The following RCAN1 variants were observed in gnomAD, a reference collection of about 807,000 sequenced individuals.
RCAN1 encodes calcipressin-1.
A neutral mutation model predicts 22.9 loss-of-function variants in RCAN1; 11 were observed. The observed-to-expected ratio is 0.48, with a 90% CI of 0.30 to 0.79. The LOEUF is 0.79. RCAN1 is among the 30% of genes least tolerant of loss of function. The probability of loss-of-function intolerance (pLI) is 0.06; values close to 1 mark genes in which losing one functional copy is unlikely to be tolerated. For synonymous variants in RCAN1, 136 were observed against 142.3 expected (o/e 0.96, Z 0.32); for missense variants, 291 against 337.8 (o/e 0.86, Z 1.09).
At chr21:34,593,157 A>G (rs1237814843) in intron 1 of RCAN1, among the ~76,000 whole-genome samples, 2 of 152,218 alleles carry the variant, frequency 1.3e-5, no homozygotes, top group Non-Finnish European at 1.5e-5. Flanking sequence ...ATCTTGCTTT[A>G]GTTATGGAGA....
chr21:34,549,941 C>A (rs1372702627), intron 1 of RCAN1, among the ~76,000 whole-genome samples: 1 of 152,046 alleles, frequency 6.6e-6, no homozygotes, highest in African/African-American at 2.4e-5. Context: ...CTGAGGCCCA[C>A]CTTGCTCCTT....
At chr21:34,550,623 A>T (rs117842224) in intron 1 of RCAN1, among the ~76,000 whole-genome samples, 1,656 of 152,292 alleles carry the variant, frequency 0.011, 62 homozygotes, top group East Asian at 0.11. Flanking sequence ...AGCCTCCAGG[A>T]TTGTGAAACA....
intron 1 of RCAN1, among the ~76,000 whole-genome samples, chr21:34,552,357 A>G (rs1186445422): frequency 6.6e-6 from 1 of 152,222 alleles, no homozygotes; most frequent in Non-Finnish European, 1.5e-5. Context: ...TCTGGGAGGC[A>G]TTGGTCTAAG....
chr21:34,612,515 A>G (rs192495044), intron 1 of RCAN1, among the ~76,000 whole-genome samples: 1 of 152,268 alleles, frequency 6.6e-6, no homozygotes, highest in Admixed American at 6.5e-5. Flanking sequence ...TCCTCTGTGT[A>G]AGTCCCCTTT....
At chr21:34,556,432 T>A (rs1325197494) in intron 1 of RCAN1, among the ~76,000 whole-genome samples, 2 of 60,654 alleles carry the variant, frequency 3.3e-5, no homozygotes, top group Non-Finnish European at 7.0e-5. Flanking sequence ...TCTCAAAAAA[T>A]AATAATAATA....
At chr21:34,531,207 T>C (rs2123603094) in intron 1 of RCAN1, among the ~76,000 whole-genome samples, 1 of 152,386 alleles carries the variant, frequency 6.6e-6, no homozygotes, top group South Asian at 2.1e-4. Context: ...GTTGCCTTTC[T>C]ATTTCCGATT....
intron 1 of RCAN1, among the ~76,000 whole-genome samples, chr21:34,589,091 A>G (rs1987890761): frequency 6.6e-6 from 1 of 152,216 alleles, no homozygotes; most frequent in Non-Finnish European, 1.5e-5. Context: ...TGTGCTACAC[A>G]ACAATGTGAA....
At chr21:34,582,145 C>T (rs145225038) in intron 1 of RCAN1, among the ~76,000 whole-genome samples, 7 of 152,296 alleles carry the variant, frequency 4.6e-5, no homozygotes, top group Non-Finnish European at 1.0e-4. Flanking sequence ...CACGGACTCA[C>T]TTGAGCCACA....
intron 1 of RCAN1, among the ~76,000 whole-genome samples, chr21:34,575,427 C>A (rs369564804): frequency 2.0e-5 from 3 of 152,176 alleles, no homozygotes; most frequent in African/African-American, 7.2e-5. Flanking sequence ...ATTCTCAAGG[C>A]GAGCCCACTG....
At chr21:34,605,531 G>A (rs182187549) in intron 1 of RCAN1, among the ~76,000 whole-genome samples, 24 of 152,232 alleles carry the variant, frequency 1.6e-4, no homozygotes, top group Non-Finnish European at 2.6e-4. Flanking sequence ...TCTGTTTCCC[G>A]TAGGTAAAAA....
intron 1 of RCAN1, among the ~76,000 whole-genome samples, chr21:34,555,584 A>AAAT (rs1451984981): frequency 1.0e-4 from 15 of 146,828 alleles, no homozygotes; most frequent in African/African-American, 3.6e-4. Flanking sequence ...AAAAAAAAAT[A>AAAT]AATAAAATAA....
Position 34,602,199 on chromosome 21 carries a change from C to T in RCAN1, c.252+12561G>A, listed in dbSNP as rs187513392. Among the ~76,000 whole-genome samples the T allele has an allele frequency of 6.4e-4, 97 of 152,226 alleles. 2 individuals are homozygous for T. The East Asian group carries it at 0.015, about 23-fold the overall frequency. On this transcript the variant is annotated intron_variant, in intron 1 of 3. Coordinates refer to ENST00000313806, the MANE Select transcript of RCAN1 (RefSeq NM_004414.7). ...CACCATCTAGACCTCTTTACAGACA[C>T]AAAGCTGAAGATGCTCAGAATCTCA... is the stretch of plus-strand genomic sequence containing the variant.
At chr21:34,594,232 A>G (rs1045599146) in intron 1 of RCAN1, among the ~76,000 whole-genome samples, 3 of 152,222 alleles carry the variant, frequency 2.0e-5, no homozygotes, top group African/African-American at 4.8e-5. Context: ...AGTCAGGGAC[A>G]TAGCTGAAAA....
intron 1 of RCAN1, among the ~76,000 whole-genome samples, chr21:34,557,607 C>T (rs1986629005): frequency 6.6e-6 from 1 of 152,174 alleles, no homozygotes; most frequent in African/African-American, 2.4e-5. Flanking sequence ...GTTACATTAG[C>T]AAGTAACACG....
Position 34,524,039 on chromosome 21 carries a change from AG to A in RCAN1, c.253-330del, listed in dbSNP as rs199919570. Reference sequence around the variant, plus strand: ...CTCAGGTGATCCCTCGGCCTCCCAAAGTGCTGGGATTACAGGCATGAGCCAC... The same window carrying A: ...CTCAGGTGATCCCTCGGCCTCCCAAATGCTGGGATTACAGGCATGAGCCAC... On this transcript the variant is annotated intron_variant, in intron 1 of 3. Transcript: ENST00000313806. 4.6e-3 allele frequency: 813 copies of A among 177,672 alleles called. 6 individuals carry two copies. Among genetic ancestry groups the A allele is most frequent in the African/African-American group, 0.018 (737 of 42,036 alleles). 11.0% of individuals were successfully genotyped at this position (177,672 alleles called of 1,614,324 possible).
At chr21:34,591,010 C>A (rs1257460755) in intron 1 of RCAN1, among the ~76,000 whole-genome samples, 2 of 152,128 alleles carry the variant, frequency 1.3e-5, no homozygotes, top group Non-Finnish European at 2.9e-5. Flanking sequence ...CACAGCGAGG[C>A]CTCTGTAGTG....
At chr21:34,613,986 C>T in intron 1 of RCAN1, 2 of 730,848 alleles carry the variant, frequency 2.7e-6, no homozygotes, top group Non-Finnish European at 4.0e-6. Context: ...ACAATAACTG[C>T]AGATTTGAAA....
intron 1 of RCAN1, among the ~76,000 whole-genome samples, chr21:34,538,715 A>AC (rs527756414): frequency 1.4e-3 from 209 of 151,992 alleles, no homozygotes; most frequent in African/African-American, 4.9e-3. Flanking sequence ...GGGCCTTGAT[A>AC]CCCCCACGTT....
intron 1 of RCAN1, among the ~76,000 whole-genome samples, chr21:34,563,690 C>T (rs1986876245): frequency 6.7e-6 from 1 of 148,688 alleles, no homozygotes; most frequent in Non-Finnish European, 1.5e-5. Flanking sequence ...AGGTGGATCA[C>T]TTGATGTCAG....
Sources: gnomAD v4.1 joint callset for allele counts (sites outside exome capture counted in the v4.1 genomes callset) on GRCh38, gnomAD v4.1.1 for gene constraint, MANE v1.5 for transcripts, NCBI Gene and HGNC (gene_info 2026-07-23, HGNC 2026-07-21) for gene names.